KLF5: variants seen among roughly 807,000 people sequenced by gnomAD.
KLF5 encodes the protein Krueppel-like factor 5.
Under a neutral mutation model 36.9 loss-of-function variants are expected in KLF5, and 9 were observed. The ratio of observed to expected loss-of-function variants is 0.24; its 90% confidence interval spans 0.15 to 0.43. The LOEUF (loss-of-function observed/expected upper bound fraction) is 0.43, where lower values mean the gene tolerates loss of function less well. KLF5 is among the 20% of genes least tolerant of loss of function. The pLI, the probability that KLF5 is intolerant of heterozygous loss-of-function variation, is 1.00. For synonymous variants in KLF5, 246 were observed against 241.7 expected, an observed-to-expected ratio of 1.02 and a Z score of -0.17; for missense variants, 524 against 599.5, an observed-to-expected ratio of 0.87 and a Z score of 1.31.
intron 1 of KLF5, among the ~76,000 whole-genome samples, chr13:73,061,022 G>A (rs1008690297): frequency 2.6e-5 from 4 of 151,842 alleles, no homozygotes; most frequent in Admixed American, 1.3e-4. Flanking sequence ...CACTGAGAAG[G>A]ACATGATAAA....
At position 73,061,699 on chromosome 13, in the gene KLF5, A is replaced by C. The variant is rs546089784; in HGVS notation, c.262-162A>C. The stretch of plus-strand genomic sequence containing the variant: ...AAGGTTTTGGTCAACCAGTTATTAC[A>C]CAATCGACAAAATAAGCCTGATATG... On this transcript the variant is annotated intron_variant, in intron 1 of 3. Transcript: ENST00000377687. 3.3e-5 allele frequency among the ~76,000 whole-genome samples: 5 copies of C among 152,322 alleles called. No homozygotes were observed. In the South Asian group the frequency reaches 1.0e-3, roughly 32 times the overall value.
At chr13:73,075,558 T>G in intron 3 of KLF5, 150 bp from the exon 4 acceptor site, 1 of 594,594 alleles carries the variant, frequency 1.7e-6, no homozygotes, top group Non-Finnish European at 2.9e-6. Flanking sequence ...TTGAGTGGCT[T>G]TGATATGTAT....
At chr13:73,073,307 T>A (rs1471143085) in intron 3 of KLF5, among the ~76,000 whole-genome samples, 2 of 152,214 alleles carry the variant, frequency 1.3e-5, no homozygotes, top group African/African-American at 4.8e-5. Flanking sequence ...TAGTTGTCCT[T>A]ACTTTTATGG....
At chr13:73,073,869 CAG>C (rs1374509045) in intron 3 of KLF5, among the ~76,000 whole-genome samples, 3 of 152,100 alleles carry the variant, frequency 2.0e-5, no homozygotes, top group Non-Finnish European at 4.4e-5. Flanking sequence ...TTGTAAGTGA[CAG>C]AACGTGATTT....
Position 73,077,418 on chromosome 13 carries a change from G to A in KLF5, c.*1532G>A, listed in dbSNP as rs559015980. The A allele has an allele frequency of 1.3e-5, 2 of 152,478 alleles. No homozygotes were observed. Among genetic ancestry groups the A allele is most frequent in the Non-Finnish European group, 2.9e-5 (2 of 68,002 alleles). The allele number at this position is 152,478 out of a possible 1,614,324, so 9.4% of individuals were successfully genotyped here. A position where few individuals can be genotyped will look rare whatever the true frequency, so the allele number is the denominator to read the frequency against. ...TTTTTCCCTCTTATTTTTGTATTGT[G>A]GTCATTTCCTATGCAAATAATGGAG... On this transcript the variant is annotated 3_prime_UTR_variant, in exon 4 of 4. Coordinates refer to ENST00000377687, the MANE Select transcript of KLF5 (RefSeq NM_001730.5).
At chr13:73,069,756 T>C (rs2044709181) in intron 3 of KLF5, among the ~76,000 whole-genome samples, 1 of 152,242 alleles carries the variant, frequency 6.6e-6, no homozygotes, top group East Asian at 1.9e-4. Flanking sequence ...ATGATAAAGC[T>C]TATCAAAAGT....
chr13:73,059,063 G>T lies in KLF5; in HGVS notation c.-265G>T. 3.1e-6 allele frequency: 1 copy of T among 327,360 alleles called. No individual in the cohort carries two copies. Among genetic ancestry groups the T allele is most frequent in the Non-Finnish European group, 5.5e-6 (1 of 180,456 alleles). 20.3% of individuals were successfully genotyped at this position (327,360 alleles called of 1,614,324 possible). ...CTCGCGGAGGTCGGCGGTGGCGGGA[G>T]CGGGCTCCGGAGAGCCTGAGAGCAC... On this transcript the variant is annotated 5_prime_UTR_variant, in exon 1 of 4. Coordinates refer to ENST00000377687, the MANE Select transcript of KLF5 (RefSeq NM_001730.5).
chr13:73,057,416 T>A (rs1454931172), upstream of KLF5, among the ~76,000 whole-genome samples: 2 of 152,190 alleles, frequency 1.3e-5, no homozygotes, highest in Non-Finnish European at 2.9e-5. Flanking sequence ...AGAGAAAAAC[T>A]TGCAAAAGCA....
upstream of KLF5, among the ~76,000 whole-genome samples, chr13:73,058,625 G>A (rs988266279): frequency 6.6e-6 from 1 of 152,150 alleles, no homozygotes; most frequent in Admixed American, 6.5e-5. Context: ...CACCTAAGAC[G>A]TGCAATACTC....
intron 3 of KLF5, among the ~76,000 whole-genome samples, chr13:73,069,307 G>A (rs2044705874): frequency 6.6e-6 from 1 of 152,110 alleles, no homozygotes; most frequent in Admixed American, 6.5e-5. Flanking sequence ...CTTACAATGT[G>A]AATCGAGAAA....
At chr13:73,066,439 G>A (rs1231927906) in intron 3 of KLF5, among the ~76,000 whole-genome samples, 2 of 150,918 alleles carry the variant, frequency 1.3e-5, no homozygotes, top group African/African-American at 2.4e-5. Flanking sequence ...CCTCCCTCTC[G>A]GACCGTTGAT....
At position 73,075,979 on chromosome 13, in the gene KLF5, G is replaced by C. The variant is rs9573098; in HGVS notation, c.*93G>C. The C allele has an allele frequency of 2.0e-3, 2,230 of 1,127,140 alleles. 41 individuals carry two copies. The African/African-American group carries it at 0.029, about 15-fold the overall frequency. The allele number at this position is 1,127,140 out of a possible 1,614,324, so 69.8% of individuals were successfully genotyped here. A position where few individuals can be genotyped will look rare whatever the true frequency, so the allele number is the denominator to read the frequency against. ...GTAAAAACAACAAAAACAAACAAAA[G>C]CAAGAAAACCACAACTAAAACTGGA... On this transcript the variant is annotated 3_prime_UTR_variant, in exon 4 of 4. Transcript: ENST00000377687.
chr13:73,058,303 G>C (rs2044596686), upstream of KLF5, among the ~76,000 whole-genome samples: 1 of 152,136 alleles, frequency 6.6e-6, no homozygotes, highest in African/African-American at 2.4e-5. Context: ...AAAACGTCTA[G>C]CAATTAAAAT....
intron 1 of KLF5, chr13:73,059,941 C>T (rs931608803): frequency 1.0e-5 from 3 of 286,360 alleles, no homozygotes; most frequent in Admixed American, 6.5e-5. Context: ...TTAAATTACG[C>T]CTTCGCCTGT....
upstream of KLF5, among the ~76,000 whole-genome samples, chr13:73,057,567 A>T (rs2044590580): frequency 6.6e-6 from 1 of 152,198 alleles, no homozygotes; most frequent in African/African-American, 2.4e-5. Flanking sequence ...ATAATTTTAT[A>T]TTTTCTAATA....
At chr13:73,071,056 A>C (rs545616252) in intron 3 of KLF5, among the ~76,000 whole-genome samples, 160 of 152,348 alleles carry the variant, frequency 1.1e-3, no homozygotes, top group African/African-American at 3.6e-3. Context: ...CAGGAATAGA[A>C]GATAGTCTCT....
In KLF5 at chr13:73,062,163, G is replaced by A. The variant is rs750301250; in HGVS notation, c.564G>A (p.Glu188=). 3 of 1,614,120 alleles carry A rather than the reference G, an allele frequency of 1.9e-6. No individual in the cohort carries two copies. The highest frequency in any genetic ancestry group is 8.5e-7 in the Non-Finnish European group (1 of 1,180,020). ...CGGCCCCGACCCAGGCCCTCCCTGAGTTCACCAGTATATTCAGCTCACACC... is the reference window on the plus strand; with the variant it reads ...CGGCCCCGACCCAGGCCCTCCCTGAATTCACCAGTATATTCAGCTCACACC... ...PPPAPTQALP[E]FTSIFSSHQT... is the part of the protein sequence containing the mutation. Residue 188 remains glutamate, a synonymous_variant, in exon 2 of 4, where the codon GAG becomes GAA. Coordinates refer to ENST00000377687, the MANE Select transcript of KLF5 (RefSeq NM_001730.5).
chr13:73,062,123 C>G lies in KLF5; in HGVS notation c.524C>G (p.Thr175Arg), dbSNP rs374439079. Residue 175 changes from threonine (T) to arginine (R), a missense_variant, in exon 2 of 4, where the codon ACG becomes AGG. Coordinates refer to ENST00000377687, the MANE Select transcript of KLF5 (RefSeq NM_001730.5). ...GCCATTTTCAGCCACCAGAGTGAAA[C>G]GACTGCCCCTCCTCCGGCCCCGACC... ...PVAIFSHQSE[T>R]TAPPPAPTQA... 1.9e-6 allele frequency: 3 copies of G among 1,613,950 alleles called. No homozygotes were observed. The African/African-American group carries it at 4.0e-5, about 22-fold the overall frequency.
intron 3 of KLF5, among the ~76,000 whole-genome samples, chr13:73,074,424 GTATC>G (rs1300933347): frequency 6.6e-6 from 1 of 152,014 alleles, no homozygotes; most frequent in Non-Finnish European, 1.5e-5. Flanking sequence ...AGGTGAAAAA[GTATC>G]TATATAAAAC....
Sources: allele counts gnomAD v4.1 joint callset (sites outside exome capture counted in the v4.1 genomes callset), GRCh38; gene constraint gnomAD v4.1.1; transcripts MANE v1.5; gene names NCBI Gene and HGNC (gene_info 2026-07-23, HGNC 2026-07-21).